The following PTK2 variants were observed in gnomAD, a reference collection of about 807,000 sequenced individuals.
PTK2 encodes the protein protein tyrosine kinase 2, also known as focal adhesion kinase 1.
PTK2 carries 45 observed loss-of-function variants against 150.1 expected under a neutral mutation model. The observed-to-expected ratio is 0.30, with a 90% CI of 0.24 to 0.38. The LOEUF (loss-of-function observed/expected upper bound fraction) is 0.38, where lower values mean the gene tolerates loss of function less well. Among genes scored for constraint, PTK2 ranks in the 10% least tolerant of loss-of-function variants. The probability of loss-of-function intolerance (pLI) is 1.00; values close to 1 mark genes in which losing one functional copy is unlikely to be tolerated. For synonymous variants in PTK2, 432 were observed against 449.2 expected (o/e 0.96, Z 0.48); for missense variants, 919 against 1,307.3 (o/e 0.70, Z 4.58).
chr8:140,716,331 G>A (rs1222964736), intron 23 of PTK2, among the ~76,000 whole-genome samples: 1 of 152,152 alleles, frequency 6.6e-6, no homozygotes, highest in Non-Finnish European at 1.5e-5. Context: ...AACATGAAGG[G>A]CCTCAGATGC....
intron 22 of PTK2, chr8:140,734,839 A>T (rs764378669): frequency 4.1e-6 from 2 of 485,522 alleles, no homozygotes; most frequent in Non-Finnish European, 4.1e-6. Flanking sequence ...GATTTCTGGG[A>T]GTGAAGACAG....
intron 27 of PTK2, among the ~76,000 whole-genome samples, chr8:140,684,360 C>T (rs566011730): frequency 2.0e-5 from 3 of 152,356 alleles, no homozygotes; most frequent in South Asian, 4.1e-4. Context: ...TCTAATGCTG[C>T]CACTGATCTG....
intron 7 of PTK2, 126 bp downstream of exon 7, chr8:140,846,134 C>T (rs2100125291): frequency 1.5e-6 from 1 of 686,408 alleles, no homozygotes; most frequent in African/African-American, 1.8e-5. Context: ...AGGATTCTGT[C>T]CTTTTCCTCT....
At chr8:140,765,549 TA>T (rs1489914031) in intron 14 of PTK2, among the ~76,000 whole-genome samples, 3 of 152,230 alleles carry the variant, frequency 2.0e-5, no homozygotes, top group Non-Finnish European at 2.9e-5. Context: ...TTATTATCTG[TA>T]AACTATTCCT....
intron 2 of PTK2, among the ~76,000 whole-genome samples, chr8:140,907,342 AC>A (rs1282171602): frequency 3.3e-5 from 5 of 152,216 alleles, no homozygotes; most frequent in African/African-American, 1.2e-4. Flanking sequence ...CACTGGTTGA[AC>A]ATCCCAAATA....
At chr8:140,849,767 G>C (rs2100128000) in intron 5 of PTK2, among the ~76,000 whole-genome samples, 1 of 152,202 alleles carries the variant, frequency 6.6e-6, no homozygotes, top group South Asian at 2.1e-4. Context: ...TCAAGGTAGA[G>C]TTTATTAGTC....
chr8:140,936,587 C>A (rs975333739), intron 1 of PTK2, among the ~76,000 whole-genome samples: 36 of 152,028 alleles, frequency 2.4e-4, no homozygotes, highest in African/African-American at 8.4e-4. Context: ...AAGATCAGAT[C>A]TTGATCTACC....
intron 1 of PTK2, among the ~76,000 whole-genome samples, chr8:140,987,712 A>C (rs1426313083): frequency 1.3e-5 from 2 of 152,208 alleles, no homozygotes; most frequent in African/African-American, 4.8e-5. Context: ...GTGGGAATGC[A>C]AAATGGTACA....
chr8:140,782,253 T>TG (rs1182335058), intron 14 of PTK2, among the ~76,000 whole-genome samples: 4,110 of 111,342 alleles, frequency 0.037, 187 homozygotes, highest in African/African-American at 0.16. Context: ...GTTTTTTTTT[T>TG]TGGGGGGGGG....
intron 1 of PTK2, among the ~76,000 whole-genome samples, chr8:140,956,639 G>A (rs2100181309): frequency 1.3e-5 from 2 of 152,306 alleles, no homozygotes; most frequent in South Asian, 4.1e-4. Context: ...CTCCATGTGT[G>A]TTATTGCCCC....
intron 1 of PTK2, among the ~76,000 whole-genome samples, chr8:140,979,106 G>A (rs2100190425): frequency 8.9e-6 from 1 of 112,712 alleles, no homozygotes; most frequent in Non-Finnish European, 1.7e-5. Flanking sequence ...ACCGGGGCCT[G>A]TTGTGGGGTG....
chr8:140,682,667 A>G (rs2153627006), intron 27 of PTK2, among the ~76,000 whole-genome samples: 1 of 151,868 alleles, frequency 6.6e-6, no homozygotes, highest in African/African-American at 2.4e-5. Context: ...CACACCAACC[A>G]CACTCTAGGA....
In PTK2 at chr8:140,774,589, G is replaced by A. The variant is rs530043128; in HGVS notation, c.1178-10299C>T. ...CTTGAATAGGGGCTCGGTAAAATAAGACTGAGACCTACTGGGCTGCGTTCC... is the reference window on the plus strand; with the variant it reads ...CTTGAATAGGGGCTCGGTAAAATAAAACTGAGACCTACTGGGCTGCGTTCC... On this transcript the variant is annotated intron_variant, in intron 14 of 31. Transcript: ENST00000522684. 8.5e-5 allele frequency among the ~76,000 whole-genome samples: 13 copies of A among 152,280 alleles called. No individual in the cohort carries two copies. In the South Asian group the frequency reaches 2.7e-3, roughly 32 times the overall value.
chr8:140,704,738 A>G (rs1235872623), intron 24 of PTK2, among the ~76,000 whole-genome samples: 1 of 152,048 alleles, frequency 6.6e-6, no homozygotes. Context: ...CCACCTACGT[A>G]CTTCCCATTG....
intron 22 of PTK2, among the ~76,000 whole-genome samples, chr8:140,734,438 CA>C (rs1473302164): frequency 6.6e-6 from 1 of 152,176 alleles, no homozygotes; most frequent in Non-Finnish European, 1.5e-5. Context: ...CTAAGCTTGG[CA>C]TTGGGGCTAC....
chr8:140,789,411 A>G (rs949580506), intron 14 of PTK2, 63 bp downstream of exon 14: 8 of 1,483,208 alleles, frequency 5.4e-6, no homozygotes, highest in Admixed American at 2.0e-5. Context: ...CTAAAAATAG[A>G]CATCTATGAT....
intron 20 of PTK2, among the ~76,000 whole-genome samples, chr8:140,740,576 C>T (rs2100055100): frequency 6.6e-6 from 1 of 152,186 alleles, no homozygotes; most frequent in Non-Finnish European, 1.5e-5. Context: ...GGAATGTACA[C>T]TTATTAACCT....
chr8:140,841,191 C>T (rs1163924183), intron 7 of PTK2, among the ~76,000 whole-genome samples: 1 of 152,156 alleles, frequency 6.6e-6, no homozygotes, highest in Non-Finnish European at 1.5e-5. Flanking sequence ...TTTATAAAAA[C>T]TGATCACACA....
rs950442815 is a variant in PTK2, at chr8:140,742,005, G to A, written c.1735+1225C>T. ...CAAAAAATTAGCCAGGCATGGTGGCGCACGCCCGTAGTACCAGCAATTTGG... is the reference window on the plus strand; with the variant it reads ...CAAAAAATTAGCCAGGCATGGTGGCACACGCCCGTAGTACCAGCAATTTGG... On this transcript the variant is annotated intron_variant, in intron 20 of 31. Coordinates refer to ENST00000522684, the Ensembl canonical transcript of PTK2. Among the ~76,000 whole-genome samples, 35 of 152,250 alleles carry A rather than the reference G, an allele frequency of 2.3e-4. 1 individual carries two copies. Among genetic ancestry groups the A allele is most frequent in the Admixed American group, 9.8e-4 (15 of 15,298 alleles).
Sources: gnomAD v4.1 joint callset for allele counts (sites outside exome capture counted in the v4.1 genomes callset) on GRCh38, gnomAD v4.1.1 for gene constraint, MANE v1.5 for transcripts, NCBI Gene and HGNC (gene_info 2026-07-23, HGNC 2026-07-21) for gene names.